The following COL25A1 variants were observed in gnomAD, a reference collection of about 807,000 sequenced individuals.
COL25A1 encodes collagen alpha-1(XXV) chain.
In COL25A1, 103 loss-of-function variants were observed where a neutral mutation model predicts 128.4. The ratio of observed to expected loss-of-function variants is 0.80; its 90% CI spans 0.68 to 0.94. The LOEUF (loss-of-function observed/expected upper bound fraction) is 0.94. COL25A1 is among the 40% of genes least tolerant of loss of function. The probability of loss-of-function intolerance (pLI) is 0.00; values close to 1 mark genes in which losing one functional copy is unlikely to be tolerated. For synonymous variants in COL25A1, 279 were observed against 277.2 expected (o/e 1.01, Z -0.06); for missense variants, 745 against 840.0 (o/e 0.89, Z 1.40).
At chr4:109,008,390 T>A (rs1724465) in intron 6 of COL25A1, among the ~76,000 whole-genome samples, 38,644 of 152,106 alleles carry the variant, frequency 0.25, 7,439 homozygotes, top group African/African-American at 0.54. Flanking sequence ...GAGGCATCCA[T>A]TTTTTGGTTT....
chr4:109,138,115 T>C (rs1769986543), intron 3 of COL25A1, among the ~76,000 whole-genome samples: 1 of 152,040 alleles, frequency 6.6e-6, no homozygotes, highest in Non-Finnish European at 1.5e-5. Flanking sequence ...TAGGTATTTC[T>C]CCTACTGCTA....
At chr4:108,816,477 C>T (rs759400675) in intron 37 of COL25A1, among the ~76,000 whole-genome samples, 1 of 152,182 alleles carries the variant, frequency 6.6e-6, no homozygotes, top group Admixed American at 6.5e-5. Context: ...TTTTTACATG[C>T]TTGGAATGCT....
At chr4:109,202,728 A>G (rs116582615) in intron 3 of COL25A1, among the ~76,000 whole-genome samples, 3,173 of 152,314 alleles carry the variant, frequency 0.021, 65 homozygotes, top group Non-Finnish European at 0.031. Flanking sequence ...TAGATTATCT[A>G]TCGATCAATT....
At chr4:108,978,342 C>T (rs921963434) in intron 6 of COL25A1, among the ~76,000 whole-genome samples, 3 of 152,194 alleles carry the variant, frequency 2.0e-5, no homozygotes, top group African/African-American at 7.2e-5. Flanking sequence ...ACTGAAATCC[C>T]ACTCTTCCTT....
intron 3 of COL25A1, among the ~76,000 whole-genome samples, chr4:109,203,241 T>C (rs892734352): frequency 6.6e-6 from 1 of 151,982 alleles, no homozygotes; most frequent in Non-Finnish European, 1.5e-5. Context: ...ACTATAATAA[T>C]GGAAAGCAGA....
At chr4:108,875,636 T>C (rs1436179422) in intron 19 of COL25A1, among the ~76,000 whole-genome samples, 4 of 152,170 alleles carry the variant, frequency 2.6e-5, no homozygotes, top group Non-Finnish European at 5.9e-5. Context: ...GGTTCAACCA[T>C]TGTGGAAGAC....
chr4:108,839,636 C>T (rs1049675327), intron 31 of COL25A1, among the ~76,000 whole-genome samples: 6 of 152,166 alleles, frequency 3.9e-5, no homozygotes, highest in African/African-American at 1.4e-4. Context: ...CCAGATCTGT[C>T]ATGAACTAGC....
chr4:108,937,459 A>G (rs1747557590), intron 11 of COL25A1, among the ~76,000 whole-genome samples: 1 of 152,068 alleles, frequency 6.6e-6, no homozygotes, highest in African/African-American at 2.4e-5. Context: ...ATTTAGTCAG[A>G]CCTGATCCCT....
At chr4:109,089,413 G>C (rs2126006019) in intron 3 of COL25A1, among the ~76,000 whole-genome samples, 1 of 152,190 alleles carries the variant, frequency 6.6e-6, no homozygotes, top group East Asian at 1.9e-4. Context: ...TCTTCTGCTA[G>C]GTGGAGAATT....
chr4:108,818,675 AAAG>A (rs1204766881), intron 36 of COL25A1, among the ~76,000 whole-genome samples: 1 of 152,126 alleles, frequency 6.6e-6, no homozygotes, highest in African/African-American at 2.4e-5. Flanking sequence ...GTTATGTGGC[AAAG>A]AAGAAGGTTG....
intron 3 of COL25A1, among the ~76,000 whole-genome samples, chr4:109,145,426 C>T (rs1447466652): frequency 6.6e-6 from 1 of 152,222 alleles, no homozygotes; most frequent in East Asian, 1.9e-4. Flanking sequence ...TGAAAACTTA[C>T]ACATACTGTA....
chr4:108,835,861 C>CTTTTTTTT (rs1158184110), intron 31 of COL25A1, among the ~76,000 whole-genome samples: 18 of 45,720 alleles, frequency 3.9e-4, no homozygotes, highest in South Asian at 1.3e-3. Flanking sequence ...TTACATACGT[C>CTTTTTTTT]TTTTTTTTTT....
intron 5 of COL25A1, among the ~76,000 whole-genome samples, chr4:109,033,925 T>C (rs777540956): frequency 6.6e-5 from 10 of 152,100 alleles, no homozygotes; most frequent in Non-Finnish European, 1.3e-4. Context: ...AATTAAAAAA[T>C]AGATTCCCAA....
At chr4:109,026,854 A>G (rs1758348066) in intron 5 of COL25A1, among the ~76,000 whole-genome samples, 1 of 152,094 alleles carries the variant, frequency 6.6e-6, no homozygotes, top group African/African-American at 2.4e-5. Context: ...AGAGAAGAAG[A>G]ATGCGGAGAA....
intron 3 of COL25A1, among the ~76,000 whole-genome samples, chr4:109,270,639 T>C (rs1043671817): frequency 7.2e-5 from 11 of 152,178 alleles, no homozygotes; most frequent in Non-Finnish European, 1.5e-4. Flanking sequence ...TTCTCCACTC[T>C]TGAGTTCCTC....
At chr4:108,935,034 G>A (rs1375549176) in intron 11 of COL25A1, among the ~76,000 whole-genome samples, 1 of 152,170 alleles carries the variant, frequency 6.6e-6, no homozygotes, top group Non-Finnish European at 1.5e-5. Flanking sequence ...AAATTGAGAG[G>A]TTAAGTGACT....
At chr4:108,919,542 T>C (rs754144422) in intron 12 of COL25A1, among the ~76,000 whole-genome samples, 10 of 152,168 alleles carry the variant, frequency 6.6e-5, no homozygotes, top group African/African-American at 9.7e-5. Flanking sequence ...ATTCCAAAGA[T>C]AAAGAATAAT....
intron 13 of COL25A1, among the ~76,000 whole-genome samples, chr4:108,913,744 T>A (rs1329295492): frequency 1.3e-5 from 2 of 152,184 alleles, no homozygotes; most frequent in African/African-American, 2.4e-5. Flanking sequence ...TCTAAGTATA[T>A]AAACAAAAAT....
At chr4:109,152,909 G>A (rs1463639290) in intron 3 of COL25A1, among the ~76,000 whole-genome samples, 1 of 152,082 alleles carries the variant, frequency 6.6e-6, no homozygotes, top group Non-Finnish European at 1.5e-5. Flanking sequence ...GCGTTTAATG[G>A]GTACAGAGAT....
Sources: gnomAD v4.1 joint callset for allele counts (sites outside exome capture counted in the v4.1 genomes callset) on GRCh38, gnomAD v4.1.1 for gene constraint, MANE v1.5 for transcripts, NCBI Gene and HGNC (gene_info 2026-07-23, HGNC 2026-07-21) for gene names.